The following SEPTIN6 variants were observed in gnomAD, a reference collection of about 807,000 sequenced individuals.
The protein encoded by SEPTIN6 is septin 6.
Under a neutral mutation model 33.6 loss-of-function variants are expected in SEPTIN6, and 8 were observed. That is an observed-to-expected ratio of 0.24 (90% CI 0.14 to 0.43). SEPTIN6 has a LOEUF of 0.43. Ranked by LOEUF, SEPTIN6 falls within the 20% of genes least tolerant of loss-of-function variation. SEPTIN6 has a pLI of 1.00. For synonymous variants in SEPTIN6, 131 were observed against 140.0 expected (o/e 0.94, Z 0.45); for missense variants, 250 against 340.8 (o/e 0.73, Z 2.10).
chrX:119,635,196 T>C (rs2054042809), intron 7 of SEPTIN6: 1 of 321,119 alleles, frequency 3.1e-6, no homozygotes, highest in African/African-American at 2.6e-5. Context: ...CAACAGGGAA[T>C]GTTGGAGACA....
intron 2 of SEPTIN6, among the ~76,000 whole-genome samples, chrX:119,666,009 G>A (rs188031170): frequency 0.013 from 1,389 of 108,675 alleles, 12 homozygotes; most frequent in Non-Finnish European, 0.022. Context: ...GTGAACCCAG[G>A]AGGTGGAGCT....
At chrX:119,642,487 TAGTA>T (rs1364635718) in intron 5 of SEPTIN6, among the ~76,000 whole-genome samples, 6 of 110,041 alleles carry the variant, frequency 5.5e-5, no homozygotes, top group African/African-American at 2.0e-4. Flanking sequence ...AGGCACACAA[TAGTA>T]AGGAACAGAA....
intron 9 of SEPTIN6, among the ~76,000 whole-genome samples, chrX:119,628,529 G>A (rs1167150925): frequency 1.1e-5 from 1 of 95,124 alleles, no homozygotes; most frequent in Non-Finnish European, 2.1e-5. Context: ...TTTTTGAGAC[G>A]GAGTCTCGCT....
chrX:119,632,630 CT>C (rs1045304956), intron 8 of SEPTIN6, among the ~76,000 whole-genome samples: 14 of 108,270 alleles, frequency 1.3e-4, no homozygotes, highest in African/African-American at 4.4e-4. Context: ...TGTTTCCTTT[CT>C]TTTTTTTTGT....
rs376277820 is a variant in SEPTIN6, at chrX:119,634,230, G to C, written c.957-738C>G. Among the ~76,000 whole-genome samples, 4 of 110,406 alleles carry C rather than the reference G, an allele frequency of 3.6e-5. No individual in the cohort carries two copies. The East Asian group carries it at 8.5e-4, about 23-fold the overall frequency. On this transcript the variant is annotated intron_variant, in intron 7 of 10. Transcript: ENST00000394610. ...AAAAAATACAAAAAATTAGCCAGGCGTCGTAGTGGGCGCCAGTAATCCCAG... is the reference window on the plus strand; with the variant it reads ...AAAAAATACAAAAAATTAGCCAGGCCTCGTAGTGGGCGCCAGTAATCCCAG...
At chrX:119,636,204 A>G (rs1488918913) in intron 7 of SEPTIN6, among the ~76,000 whole-genome samples, 3 of 111,676 alleles carry the variant, frequency 2.7e-5, no homozygotes, top group Non-Finnish European at 3.8e-5. Context: ...CAGGTAGAGT[A>G]AGATCTCAGA....
rs1255424732 is a variant in SEPTIN6, at chrX:119,675,573, G to A, written c.126C>T (p.Cys42=). Reference sequence around the variant, plus strand: ...ACTCACCCACGCACAGGATGTTGAAGCAGAAGCCCTGGCTGACGGACTTAT... The same window carrying A: ...ACTCACCCACGCACAGGATGTTGAAACAGAAGCCCTGGCTGACGGACTTAT... ...LVNKSVSQGF[C]FNILCVGETG... is the part of the protein sequence containing the mutation. Residue 42 remains cysteine (C), a synonymous_variant, in exon 2 of 11, where the codon TGC becomes TGT. Coordinates refer to ENST00000394610, the MANE Select transcript of SEPTIN6 (RefSeq NM_145799.4). The A allele has an allele frequency of 2.6e-6, 3 of 1,156,131 alleles. No homozygotes were observed. Among genetic ancestry groups the A allele is most frequent in the Admixed American group, 2.4e-5 (1 of 41,326 alleles).
intron 2 of SEPTIN6, among the ~76,000 whole-genome samples, chrX:119,664,487 T>C (rs1046356651): frequency 1.8e-5 from 2 of 110,949 alleles, no homozygotes; most frequent in Non-Finnish European, 3.8e-5. Context: ...GGAATATGTA[T>C]AGTTTTTGTC....
chrX:119,664,459 T>C (rs1385482752), intron 2 of SEPTIN6, among the ~76,000 whole-genome samples: 1 of 111,474 alleles, frequency 9.0e-6, no homozygotes, highest in Admixed American at 9.6e-5. Context: ...TTTTTTATAT[T>C]TCCCAAGTTT....
chrX:119,649,111 ATTTTTTTTT>A (rs200217501), intron 5 of SEPTIN6, among the ~76,000 whole-genome samples: 41 of 75,699 alleles, frequency 5.4e-4, no homozygotes, highest in Admixed American at 1.1e-3. Context: ...CATAACGCTG[ATTTTTTTTT>A]TTTTTTTTTT....
chrX:119,676,464 C>CAAAA (rs36057688), intron 1 of SEPTIN6, among the ~76,000 whole-genome samples: 2 of 84,507 alleles, frequency 2.4e-5, no homozygotes, highest in African/African-American at 8.3e-5. Context: ...AACTCTGTCT[C>CAAAA]AAAAAAAAAA....
At chrX:119,679,270 A>T (rs770200652) in intron 1 of SEPTIN6, among the ~76,000 whole-genome samples, 22 of 111,536 alleles carry the variant, frequency 2.0e-4, no homozygotes, top group African/African-American at 3.3e-4. Flanking sequence ...AAGCCCTAAG[A>T]AGCAGAAGTA....
At chrX:119,625,076 CACCTGTGTT>C (rs1261851381) in intron 10 of SEPTIN6, among the ~76,000 whole-genome samples, 1 of 111,696 alleles carries the variant, frequency 9.0e-6, no homozygotes, top group African/African-American at 3.3e-5. Context: ...TCACAGGATC[CACCTGTGTT>C]ACCCAGCTGT....
At chrX:119,661,041 CAAAAAAAAAAAAA>C (rs58898121) in intron 3 of SEPTIN6, among the ~76,000 whole-genome samples, 10 of 9,517 alleles carry the variant, frequency 1.1e-3, no homozygotes, top group African/African-American at 3.6e-3. Context: ...GACTCCATCT[CAAAAAAAAAAAAA>C]AAAAAAAAAA....
chrX:119,688,984 C>T (rs1556618), intron 1 of SEPTIN6, among the ~76,000 whole-genome samples: 2 of 110,321 alleles, frequency 1.8e-5, no homozygotes, highest in East Asian at 5.8e-4. Context: ...GTAACTGCCA[C>T]GTGATGATAG....
At position 119,617,244 on chromosome X, in the gene SEPTIN6, AT is replaced by A. The variant is rs533552227; in HGVS notation, c.*2848del. On this transcript the variant is annotated 3_prime_UTR_variant, in exon 11 of 11. Coordinates refer to ENST00000394610, the MANE Select transcript of SEPTIN6 (RefSeq NM_145799.4). ...CAGAAGTAAACAGAGTACTTAGGGT[AT>A]TTTTTTTTTAAATAGTAACAGTTGT... 9.0e-4 allele frequency: 690 copies of A among 767,058 alleles called. No homozygotes were observed. Among genetic ancestry groups the A allele is most frequent in the East Asian group, 3.5e-3 (47 of 13,369 alleles). 63.2% of individuals were successfully genotyped at this position (767,058 alleles called of 1,213,427 possible).
Position 119,617,260 on chromosome X carries a change from G to GT in SEPTIN6, c.*2832dup. ...ACTTAGGGTATTTTTTTTTTAAATA[G>GT]TAACAGTTGTACTAATTTAAAAGCC... On this transcript the variant is annotated 3_prime_UTR_variant, in exon 11 of 11. Coordinates refer to ENST00000394610, the MANE Select transcript of SEPTIN6 (RefSeq NM_145799.4). 3.7e-6 allele frequency: 3 copies of GT among 800,953 alleles called. No homozygotes were observed. The highest frequency in any genetic ancestry group is 4.5e-6 in the Non-Finnish European group (3 of 667,093). 66.0% of individuals were successfully genotyped at this position (800,953 alleles called of 1,213,427 possible). A position where few individuals can be genotyped will look rare whatever the true frequency, so the allele number is the denominator to read the frequency against.
At chrX:119,635,183 T>G (rs1385158929) in intron 7 of SEPTIN6, 1 of 331,123 alleles carries the variant, frequency 3.0e-6, no homozygotes, top group African/African-American at 2.7e-5. Context: ...GTATCATGAA[T>G]GGCAACAGGG....
intron 2 of SEPTIN6, among the ~76,000 whole-genome samples, chrX:119,666,748 C>A (rs185519294): frequency 9.0e-6 from 1 of 111,636 alleles, no homozygotes; most frequent in East Asian, 2.8e-4. Context: ...GAAGAGGCCC[C>A]CTTTTTCCTC....
Sources: allele counts gnomAD v4.1 joint callset (sites outside exome capture counted in the v4.1 genomes callset), GRCh38; gene constraint gnomAD v4.1.1; transcripts MANE v1.5; gene names NCBI Gene and HGNC (gene_info 2026-07-23, HGNC 2026-07-21).